Variants in FBN2 observed in about 807,000 individuals in gnomAD.
FBN2 encodes fibrillin 2, also known as fibrillin-2.
A neutral mutation model predicts 355.6 loss-of-function variants in FBN2; 105 were observed. The ratio of observed to expected loss-of-function variants is 0.30; its 90% CI spans 0.25 to 0.35. The LOEUF (loss-of-function observed/expected upper bound fraction) is 0.35, where lower values mean the gene tolerates loss of function less well. FBN2 is among the 10% of genes least tolerant of loss of function. The pLI is 1.00. For synonymous variants in FBN2, 1,350 were observed against 1,301.2 expected (o/e 1.04, Z -0.81); for missense variants, 3,280 against 3,758.7 (o/e 0.87, Z 3.33).
Position 128,514,279 on chromosome 5 carries a change from T to C in FBN2, c.628+4994A>G, listed in dbSNP as rs553186861. Among the ~76,000 whole-genome samples the C allele has an allele frequency of 2.6e-5, 4 of 152,340 alleles. No homozygotes were observed. The East Asian group carries it at 7.7e-4, about 29-fold the overall frequency. ...TCAGGAATTAGTCTGATACTGTTTT[T>C]CCCACTGTAGTAAGCTATGTTTTTT... On this transcript the variant is annotated intron_variant, in intron 5 of 64. Coordinates refer to ENST00000262464, the MANE Select transcript of FBN2 (RefSeq NM_001999.4).
chr5:128,524,352 T>C (rs1756511608), intron 4 of FBN2, among the ~76,000 whole-genome samples: 1 of 152,182 alleles, frequency 6.6e-6, no homozygotes, highest in Non-Finnish European at 1.5e-5. Flanking sequence ...CCCTGCTTTA[T>C]TCTTCTCCTA....
chr5:128,263,602 G>T lies in FBN2; in HGVS notation c.8015C>A (p.Thr2672Asn). ...NACGSASCYN[T>N]LGSYKCACPS... is the part of the protein sequence containing the mutation. ...GCAGGCGCACTTGTAACTCCCCAGG[G>T]TGTTGTAGCAGGAAGCAGAGCCACA... is the stretch of plus-strand genomic sequence containing the variant. Residue 2672 changes from threonine to asparagine, a missense_variant, in exon 63 of 65, where the codon ACC becomes AAC. Physicochemically the swap from Thr to Asn is moderately conservative, Grantham distance 65. Coordinates refer to ENST00000262464, the MANE Select transcript of FBN2 (RefSeq NM_001999.4). The T allele has an allele frequency of 1.2e-6, 2 of 1,614,118 alleles. No individual in the cohort carries two copies. The highest frequency in any genetic ancestry group is 1.7e-6 in the Non-Finnish European group (2 of 1,179,990).
At chr5:128,475,520 C>A (rs375003513) in intron 5 of FBN2, among the ~76,000 whole-genome samples, 12 of 151,916 alleles carry the variant, frequency 7.9e-5, no homozygotes, top group East Asian at 3.9e-4. Flanking sequence ...AATATGAATT[C>A]CAAACTAAGA....
At chr5:128,262,980 T>C (rs965365068) in intron 63 of FBN2, among the ~76,000 whole-genome samples, 1 of 152,168 alleles carries the variant, frequency 6.6e-6, no homozygotes, top group Admixed American at 6.5e-5. Context: ...GAAAGCCACA[T>C]GAGCAAAGAA....
At position 128,287,189 on chromosome 5, in the gene FBN2, T is replaced by C; in HGVS notation, c.6880+119A>G. ...GTATGGAAATCTACTAGCAAAATGC[T>C]GTCATATATATATTTCTGTAAAGCT... On this transcript the variant is annotated intron_variant, in intron 54 of 64. Coordinates refer to ENST00000262464, the MANE Select transcript of FBN2 (RefSeq NM_001999.4). 2.5e-6 allele frequency: 3 copies of C among 1,203,846 alleles called. No homozygotes were observed. In the South Asian group the frequency reaches 3.7e-5, roughly 15 times the overall value. The allele number at this position is 1,203,846 out of a possible 1,614,324, so 74.6% of individuals were successfully genotyped here.
At position 128,330,390 on chromosome 5, in the gene FBN2, T is replaced by C. The variant is rs469913; in HGVS notation, c.4345+183A>G. Among the ~76,000 whole-genome samples the C allele has an allele frequency of 0.056, 8,561 of 152,294 alleles. 1,088 individuals carry two copies. In the East Asian group the frequency reaches 0.6, roughly 11 times the overall value. ...TATTTGAAAACTTCCAACAATATATTTGGAAAGTCATTCAGGTTTTTGTGT... is the reference window on the plus strand; with the variant it reads ...TATTTGAAAACTTCCAACAATATATCTGGAAAGTCATTCAGGTTTTTGTGT... On this transcript the variant is annotated intron_variant, in intron 33 of 64. Transcript: ENST00000262464.
rs373608186 is a variant in FBN2 at position 128,453,373 on chromosome 5, A to G, written c.827-6767T>C. ...TGCTTACTTTCCAAGAATATCTCAA[A>G]TCTTTCCTCTGCTACTACCCGGTCT... On this transcript the variant is annotated intron_variant, in intron 6 of 64. Transcript: ENST00000262464. 2.6e-5 allele frequency among the ~76,000 whole-genome samples: 4 copies of G among 152,124 alleles called. No individual in the cohort carries two copies. The South Asian group carries it at 8.3e-4, about 32-fold the overall frequency.
intron 5 of FBN2, among the ~76,000 whole-genome samples, chr5:128,489,279 T>C (rs1033144042): frequency 2.0e-5 from 3 of 152,194 alleles, no homozygotes; most frequent in Admixed American, 6.5e-5. Flanking sequence ...AAGTCAATAA[T>C]GGCAATTAAA....
Position 128,392,033 on chromosome 5 carries a change from T to G in FBN2, c.1588A>C (p.Asn530His). 6.2e-7 allele frequency: 1 copy of G among 1,613,786 alleles called. No individual in the cohort carries two copies. Among genetic ancestry groups the G allele is most frequent in the Non-Finnish European group, 8.5e-7 (1 of 1,179,746 alleles). The change falls in exon 11 of 65, where the codon AAT (asparagine) becomes CAT (histidine). Residue 530 changes from asparagine (N) to histidine (H), a missense_variant. Physicochemically the swap from Asn to His is moderately conservative, Grantham distance 68. Transcript: ENST00000262464. ...ACAAACTTACCTATACAATCTCCAT[T>G]TGCATCCTGCTTATAACCCATGTTG... ...ECNMGYKQDANGDCIDVDECT... is the reference protein window; with the variant it reads ...ECNMGYKQDAHGDCIDVDECT...
chr5:128,537,879 A>C lies in FBN2; in HGVS notation c.-276T>G. 344 of 495,148 alleles carry C rather than the reference A, an allele frequency of 6.9e-4. No individual in the cohort carries two copies. The highest frequency in any genetic ancestry group is 2.3e-3 in the Middle Eastern group (4 of 1,760). 30.7% of individuals were successfully genotyped at this position (495,148 alleles called of 1,614,324 possible). ...AGCCCCGAGCGGTACACGTTGCATAACCGGCCTAAAGCCCCGAGCGACTCC... is the reference window on the plus strand; with the variant it reads ...AGCCCCGAGCGGTACACGTTGCATACCCGGCCTAAAGCCCCGAGCGACTCC... On this transcript the variant is annotated 5_prime_UTR_variant, in exon 1 of 65. Transcript: ENST00000262464.
At chr5:128,301,331 C>T (rs1359471974) in intron 47 of FBN2, 51 bp downstream of exon 47, 2 of 1,518,094 alleles carry the variant, frequency 1.3e-6, no homozygotes, top group Non-Finnish European at 1.8e-6. Context: ...CACATATCAT[C>T]ATTTTACAAA....
At chr5:128,529,346 C>G (rs548666716) in intron 3 of FBN2, among the ~76,000 whole-genome samples, 2 of 152,108 alleles carry the variant, frequency 1.3e-5, no homozygotes, top group Non-Finnish European at 2.9e-5. Flanking sequence ...AAAAGGAGCA[C>G]TGAAGGCCAC....
intron 14 of FBN2, 21 bp downstream of exon 14, chr5:128,376,710 C>T (rs1752085960): frequency 1.2e-6 from 2 of 1,613,190 alleles, no homozygotes; most frequent in South Asian, 2.2e-5. Context: ...GGTCACTTTC[C>T]TATCTGAAAG....
chr5:128,429,777 G>C (rs182491345), intron 7 of FBN2, among the ~76,000 whole-genome samples: 46 of 152,298 alleles, frequency 3.0e-4, no homozygotes, highest in African/African-American at 7.9e-4. Context: ...AACATTCCAT[G>C]TGGGAGAAAA....
At chr5:128,430,143 T>G (rs966911739) in intron 7 of FBN2, among the ~76,000 whole-genome samples, 1 of 152,168 alleles carries the variant, frequency 6.6e-6, no homozygotes, top group Non-Finnish European at 1.5e-5. Context: ...TGCCTTTAAT[T>G]TAGTCATTTG....
chr5:128,486,588 G>A (rs1056827200), intron 5 of FBN2, among the ~76,000 whole-genome samples: 2 of 151,950 alleles, frequency 1.3e-5, no homozygotes, highest in African/African-American at 2.4e-5. Flanking sequence ...GCCCCTTACC[G>A]AGTAGACTTC....
intron 5 of FBN2, among the ~76,000 whole-genome samples, chr5:128,511,270 A>G (rs1363247794): frequency 2.0e-5 from 3 of 152,198 alleles, no homozygotes; most frequent in Admixed American, 1.3e-4. Flanking sequence ...TTTCAAGCAT[A>G]CAAGTCATTC....
intron 7 of FBN2, among the ~76,000 whole-genome samples, chr5:128,423,872 T>A (rs1252289793): frequency 6.6e-6 from 1 of 152,086 alleles, no homozygotes; most frequent in Non-Finnish European, 1.5e-5. Context: ...AAGAGAGACG[T>A]TAGTGACAAA....
intron 62 of FBN2, among the ~76,000 whole-genome samples, chr5:128,271,648 G>A (rs1449457880): frequency 6.6e-6 from 1 of 152,106 alleles, no homozygotes; most frequent in Non-Finnish European, 1.5e-5. Flanking sequence ...GAATGGATGG[G>A]AAATCTAAAT....
Sources: gnomAD v4.1 joint callset for allele counts (sites outside exome capture counted in the v4.1 genomes callset) on GRCh38, gnomAD v4.1.1 for gene constraint, MANE v1.5 for transcripts, NCBI Gene and HGNC (gene_info 2026-07-23, HGNC 2026-07-21) for gene names.